The following CNOT7 variants were observed in gnomAD, a reference collection of about 807,000 sequenced individuals.
CNOT7 encodes BTG1-binding factor 1.
CNOT7 carries 4 observed loss-of-function variants against 37.1 expected under a neutral mutation model. The observed-to-expected ratio is 0.11, with a 90% CI of 0.05 to 0.25. CNOT7 has a LOEUF of 0.25. Ranked by LOEUF, CNOT7 falls within the 10% of genes least tolerant of loss-of-function variation. The pLI is 1.00. For synonymous variants in CNOT7, 128 were observed against 115.6 expected, an observed-to-expected ratio of 1.11 and a Z score of -0.69; for missense variants, 170 against 336.2, an observed-to-expected ratio of 0.51 and a Z score of 3.87.
At chr8:17,235,283 G>C (rs1194247977) in intron 4 of CNOT7, among the ~76,000 whole-genome samples, 2 of 152,182 alleles carry the variant, frequency 1.3e-5, no homozygotes, top group Non-Finnish European at 2.9e-5. Context: ...CAAGAGAACT[G>C]GCATTCGGTA....
At position 17,227,120 on chromosome 8, in the gene CNOT7, G is replaced by A. The variant is rs540780262; in HGVS notation, c.*3600C>T. The A allele has an allele frequency of 1.8e-4, 27 of 151,908 alleles. No homozygotes were observed. Among genetic ancestry groups the A allele is most frequent in the African/African-American group, 5.8e-4 (24 of 41,506 alleles). 9.4% of individuals were successfully genotyped at this position (151,908 alleles called of 1,614,324 possible). On this transcript the variant is annotated 3_prime_UTR_variant, in exon 7 of 7. Transcript: ENST00000361272. ...CAATATTTCCTGTGAAGTACCTGCTGATGAATAATCAAGTGAGTAACTACA... is the reference window on the plus strand; with the variant it reads ...CAATATTTCCTGTGAAGTACCTGCTAATGAATAATCAAGTGAGTAACTACA...
chr8:17,232,341 C>T, intron 6 of CNOT7, 86 bp downstream of exon 6: 1 of 1,607,042 alleles, frequency 6.2e-7, no homozygotes, highest in South Asian at 1.1e-5. Flanking sequence ...TTAGTAGGTA[C>T]TTGTTGCCCA....
chr8:17,230,672 T>C lies in CNOT7; in HGVS notation c.*48A>G. Reference sequence around the variant, plus strand: ...GATTCAACCAGAGATAAAACCTATATACAAGCATGTGTGTAGCTCGAAATA... The same window carrying C: ...GATTCAACCAGAGATAAAACCTATACACAAGCATGTGTGTAGCTCGAAATA... On this transcript the variant is annotated 3_prime_UTR_variant, in exon 7 of 7. Transcript: ENST00000361272. 3 of 1,540,244 alleles carry C rather than the reference T, an allele frequency of 1.9e-6. No individual in the cohort carries two copies. The highest frequency in any genetic ancestry group is 2.3e-5 in the East Asian group (1 of 43,884).
chr8:17,245,470 C>T (rs963244689), intron 1 of CNOT7, among the ~76,000 whole-genome samples: 1 of 152,056 alleles, frequency 6.6e-6, no homozygotes, highest in Admixed American at 6.6e-5. Flanking sequence ...TTTAAAATAG[C>T]TTTTTTACAC....
Position 17,229,991 on chromosome 8 carries a change from G to A in CNOT7, c.*729C>T, listed in dbSNP as rs191737917. On this transcript the variant is annotated 3_prime_UTR_variant, in exon 7 of 7. Transcript: ENST00000361272. ...TCACAAGGGATTTTTCCTGAAGGGT[G>A]TAAAGCTGGTTTGAAAATTCTTCAG... is the stretch of plus-strand genomic sequence containing the variant. 3.3e-5 allele frequency: 5 copies of A among 152,506 alleles called. No individual in the cohort carries two copies. In the East Asian group the frequency reaches 5.8e-4, roughly 18 times the overall value. The allele number at this position is 152,506 out of a possible 1,614,324, so 9.4% of individuals were successfully genotyped here.
In CNOT7 at chr8:17,230,479, A is replaced by G. The variant is rs1808474176; in HGVS notation, c.*241T>C. The G allele has an allele frequency of 3.6e-6, 1 of 276,010 alleles. No individual in the cohort carries two copies. The highest frequency in any genetic ancestry group is 5.2e-5 in the Admixed American group (1 of 19,188). The allele number at this position is 276,010 out of a possible 1,614,324, so 17.1% of individuals were successfully genotyped here. ...TGTAGCTTTCCCCACTCTCTGTCAC[A>G]CACGCTTGCTAACAAGTATATTAAA... On this transcript the variant is annotated 3_prime_UTR_variant, in exon 7 of 7. Transcript: ENST00000361272.
At chr8:17,242,932 A>G (rs1810388256) in intron 3 of CNOT7, 60 bp downstream of exon 3, 3 of 1,190,970 alleles carry the variant, frequency 2.5e-6, no homozygotes, top group Non-Finnish European at 3.5e-6. Flanking sequence ...AGGAAAATCA[A>G]TTCCTAAGAT....
chr8:17,243,278 A>C lies in CNOT7; in HGVS notation c.118-93T>G, dbSNP rs1810438278. 4.3e-6 allele frequency: 4 copies of C among 940,936 alleles called. No homozygotes were observed. In the South Asian group the frequency reaches 5.0e-5, roughly 12 times the overall value. 58.3% of individuals were successfully genotyped at this position (940,936 alleles called of 1,614,324 possible). A position where few individuals can be genotyped will look rare whatever the true frequency, so the allele number is the denominator to read the frequency against. On this transcript the variant is annotated intron_variant, in intron 2 of 6. Transcript: ENST00000361272. The stretch of plus-strand genomic sequence containing the variant: ...TTTGATGCAAATCAAAGAATCCTAC[A>C]GATGATATTCTACACATTTATATTC...
chr8:17,239,826 T>C (rs1809907265), intron 3 of CNOT7, among the ~76,000 whole-genome samples: 1 of 152,240 alleles, frequency 6.6e-6, no homozygotes, highest in Non-Finnish European at 1.5e-5. Flanking sequence ...TTTGTTTTAA[T>C]CCTCTTTATC....
intron 2 of CNOT7, chr8:17,244,493 A>T (rs1810622953): frequency 6.6e-6 from 1 of 152,454 alleles, no homozygotes; most frequent in South Asian, 2.1e-4. Context: ...CCTGTTGAAC[A>T]CAATTTCACA....
At chr8:17,232,117 T>G in intron 6 of CNOT7, 1 of 1,043,888 alleles carries the variant, frequency 9.6e-7, no homozygotes, top group East Asian at 6.9e-5. Context: ...AGTAATGTGT[T>G]TAATCATGGA....
intron 3 of CNOT7, chr8:17,237,624 C>T (rs1809554721): frequency 2.6e-6 from 1 of 383,792 alleles, no homozygotes; most frequent in Admixed American, 3.9e-5. Flanking sequence ...TTTCTATTAA[C>T]TCTATTAGCC....
intron 2 of CNOT7, chr8:17,243,552 C>T (rs987898328): frequency 1.1e-5 from 5 of 467,244 alleles, no homozygotes; most frequent in Middle Eastern, 3.2e-4. Context: ...AGAACTGGTT[C>T]AAAAGAGGGG....
intron 2 of CNOT7, chr8:17,244,221 G>A (rs1033517109): frequency 2.0e-5 from 3 of 153,100 alleles, no homozygotes; most frequent in East Asian, 3.8e-4. Context: ...TGGTAAAGAA[G>A]AAAAATCATT....
At chr8:17,246,635 G>A (rs1224633848) in intron 1 of CNOT7, 40 bp downstream of exon 1, 1 of 153,082 alleles carries the variant, frequency 6.5e-6, no homozygotes, top group Non-Finnish European at 1.5e-5. Flanking sequence ...TCCCTAACCC[G>A]CCCCTCCCCC....
At chr8:17,235,858 C>G (rs911134521) in intron 4 of CNOT7, among the ~76,000 whole-genome samples, 3 of 152,104 alleles carry the variant, frequency 2.0e-5, no homozygotes, top group Admixed American at 2.0e-4. Context: ...AACTTAGATT[C>G]TAAACTCCAA....
chr8:17,237,157 G>C (rs965014074), intron 4 of CNOT7, 55 bp downstream of exon 4: 22 of 1,550,410 alleles, frequency 1.4e-5, no homozygotes, highest in Non-Finnish European at 1.8e-5. Context: ...CCAAGTAAGT[G>C]TGGAGCAAGT....
chr8:17,230,987 A>G lies in CNOT7; in HGVS notation c.730-139T>C, dbSNP rs144758529. 4.6e-4 allele frequency: 272 copies of G among 587,544 alleles called. 1 individual carries two copies. The African/African-American group carries it at 4.7e-3, about 10-fold the overall frequency. The allele number at this position is 587,544 out of a possible 1,614,324, so 36.4% of individuals were successfully genotyped here. On this transcript the variant is annotated intron_variant, in intron 6 of 6. Transcript: ENST00000361272. ...TTTTCTATGGTGTTCCTTTGAGGCTACGCATTTCAGTTCAATGAGTAAGAC... is the reference window on the plus strand; with the variant it reads ...TTTTCTATGGTGTTCCTTTGAGGCTGCGCATTTCAGTTCAATGAGTAAGAC...
At chr8:17,243,259 G>T in intron 2 of CNOT7, 74 bp from the exon 3 acceptor site, 1 of 1,137,702 alleles carries the variant, frequency 8.8e-7, no homozygotes, top group Non-Finnish European at 1.3e-6. Context: ...AATTTTTGAT[G>T]CAAATCAAAG....
Sources: gnomAD v4.1 joint callset for allele counts (sites outside exome capture counted in the v4.1 genomes callset) on GRCh38, gnomAD v4.1.1 for gene constraint, MANE v1.5 for transcripts, NCBI Gene and HGNC (gene_info 2026-07-23, HGNC 2026-07-21) for gene names.